Variants in THSD1 observed in about 807,000 individuals in gnomAD.
THSD1 encodes the protein thrombospondin type 1 domain containing 1, also known as thrombospondin type-1 domain-containing protein 1.
THSD1 carries 34 observed loss-of-function variants against 46.3 expected under a neutral mutation model. The ratio of observed to expected loss-of-function variants is 0.74; its 90% CI spans 0.56 to 0.98. The LOEUF (loss-of-function observed/expected upper bound fraction) is 0.98. Ranked by LOEUF, THSD1 falls within the 50% of genes least tolerant of loss-of-function variation. The pLI is 0.00. For missense variants in THSD1, 1,023 were observed against 1,058.3 expected (o/e 0.97, Z 0.46); for synonymous variants, 407 against 416.5 (o/e 0.98, Z 0.28).
At chr13:52,386,293 G>A (rs1034168157) in intron 3 of THSD1, 107 bp from the exon 4 acceptor site, 8 of 1,173,930 alleles carry the variant, frequency 6.8e-6, no homozygotes, top group South Asian at 3.0e-5. Flanking sequence ...TGAAAAGCCC[G>A]TGAGTTAAAG....
chr13:52,393,368 T>C (rs1406189709), intron 3 of THSD1, among the ~76,000 whole-genome samples: 4 of 152,266 alleles, frequency 2.6e-5, no homozygotes, highest in Admixed American at 2.0e-4. Flanking sequence ...AAATCCATTA[T>C]GTATTTGCTA....
At position 52,386,059 on chromosome 13, in the gene THSD1, C is replaced by T. The variant is rs751702537; in HGVS notation, c.1149G>A (p.Glu383=). 1.3e-5 allele frequency: 21 copies of T among 1,613,960 alleles called. No individual in the cohort carries two copies. The highest frequency in any genetic ancestry group is 1.7e-5 in the Admixed American group (1 of 59,986). The change falls in exon 4 of 5, where the codon GAG becomes GAA. Residue 383 remains glutamate (E), a synonymous_variant. Coordinates refer to ENST00000258613, the MANE Select transcript of THSD1 (RefSeq NM_018676.4). ...SSPVCPGMSL[E]ASLCSLEECA... Reference sequence around the variant, plus strand: ...ACTCCTCCAGGGAACACAGGGAGGCCTCCAAGGACATTCCAGGGCAGACAG... The same window carrying T: ...ACTCCTCCAGGGAACACAGGGAGGCTTCCAAGGACATTCCAGGGCAGACAG...
intron 3 of THSD1, among the ~76,000 whole-genome samples, chr13:52,390,140 C>CA (rs71769281): frequency 0.54 from 75,172 of 138,238 alleles, 20,691 homozygotes; most frequent in Middle Eastern, 0.66. Context: ...GACATTGTCT[C>CA]AAAAAAAAAA....
In THSD1 at chr13:52,397,272, A is replaced by T. The variant is rs368726206; in HGVS notation, c.981T>A (p.Phe327Leu). The T allele has an allele frequency of 2.5e-6, 4 of 1,610,818 alleles. No individual in the cohort carries two copies. The highest frequency in any genetic ancestry group is 3.4e-6 in the Non-Finnish European group (4 of 1,178,504). Residue 327 changes from phenylalanine (F) to leucine (L), a missense_variant, in exon 3 of 5, where the codon TTT (phenylalanine) becomes TTA (leucine). This residue lies in a region of THSD1 where 429 missense variants were observed against 518.3 expected (regional missense o/e 0.83). Coordinates refer to ENST00000258613, the MANE Select transcript of THSD1 (RefSeq NM_018676.4). ...TTAGCATGCACTCCTCCTTTGCAGA[A>T]AAATGGCTTCTGCTTGAAATGCCAA... ...FDFGISSRSHFSAKEECMLIQ... is the reference protein window; with the variant it reads ...FDFGISSRSHLSAKEECMLIQ...
intron 2 of THSD1, among the ~76,000 whole-genome samples, chr13:52,401,675 A>G (rs1040261600): frequency 6.6e-6 from 1 of 152,208 alleles, no homozygotes; most frequent in African/African-American, 2.4e-5. Flanking sequence ...AAACTTCTTA[A>G]AAAAGAAAAG....
intron 4 of THSD1, among the ~76,000 whole-genome samples, chr13:52,384,709 A>G (rs1399872698): frequency 1.3e-5 from 2 of 152,222 alleles, no homozygotes; most frequent in African/African-American, 4.8e-5. Flanking sequence ...CTCAGATATG[A>G]AATGTCTGAA....
At chr13:52,404,590 G>A (rs890543526) in intron 1 of THSD1, among the ~76,000 whole-genome samples, 2 of 152,090 alleles carry the variant, frequency 1.3e-5, no homozygotes, top group South Asian at 2.1e-4. Context: ...TTCTTTCCTC[G>A]AACATGGACT....
intron 3 of THSD1, among the ~76,000 whole-genome samples, chr13:52,393,606 C>G (rs558514041): frequency 6.6e-6 from 1 of 152,192 alleles, no homozygotes; most frequent in African/African-American, 2.4e-5. Context: ...TGCAGTGAGC[C>G]CAGATCGCAC....
chr13:52,377,495 C>G lies in THSD1; in HGVS notation c.2475G>C (p.Arg825Ser). The change falls in exon 5 of 5, where the codon AGG becomes AGC. Residue 825 changes from arginine (R) to serine (S), a missense_variant. Coordinates refer to ENST00000258613, the MANE Select transcript of THSD1 (RefSeq NM_018676.4). ...TSFGLTEAEQ[R>S]MLDLPGYFGS... ...CAAAATATCCTGGGAGGTCCAGCAT[C>G]CTCTGCTCAGCCTCAGTGAGGCCAA... 6.3e-7 allele frequency: 1 copy of G among 1,587,034 alleles called. No individual in the cohort carries two copies. Among genetic ancestry groups the G allele is most frequent in the Non-Finnish European group, 8.6e-7 (1 of 1,159,854 alleles).
At chr13:52,380,356 C>T (rs928187995) in intron 4 of THSD1, among the ~76,000 whole-genome samples, 1 of 151,886 alleles carries the variant, frequency 6.6e-6, no homozygotes, top group Non-Finnish European at 1.5e-5. Flanking sequence ...TTGTACTGTC[C>T]CCTAGGGGAC....
At chr13:52,393,020 T>G (rs140610936) in intron 3 of THSD1, among the ~76,000 whole-genome samples, 3 of 152,230 alleles carry the variant, frequency 2.0e-5, no homozygotes, top group African/African-American at 4.8e-5. Context: ...CTAAAAGCTT[T>G]GTACTGTTTA....
chr13:52,403,626 C>T (rs546629410), intron 1 of THSD1, among the ~76,000 whole-genome samples: 255 of 152,202 alleles, frequency 1.7e-3, no homozygotes, highest in African/African-American at 5.9e-3. Context: ...GGACTACAGG[C>T]GCCCACCACC....
At chr13:52,385,858 G>A (rs961180661) in intron 4 of THSD1, among the ~76,000 whole-genome samples, 170 bp downstream of exon 4, 5 of 151,988 alleles carry the variant, frequency 3.3e-5, no homozygotes, top group Admixed American at 1.3e-4. Flanking sequence ...AGCTATTCCC[G>A]GTCTTAGATA....
chr13:52,389,648 G>T (rs1488294840), intron 3 of THSD1, among the ~76,000 whole-genome samples: 2 of 151,978 alleles, frequency 1.3e-5, no homozygotes, highest in Non-Finnish European at 2.9e-5. Context: ...TATTACCAGG[G>T]ATAAAGAGCA....
intron 3 of THSD1, among the ~76,000 whole-genome samples, chr13:52,387,215 C>G (rs767538310): frequency 6.6e-6 from 1 of 152,148 alleles, no homozygotes; most frequent in Non-Finnish European, 1.5e-5. Flanking sequence ...CAATGCCTTC[C>G]CTAAACACAA....
At chr13:52,378,863 CTTT>C (rs368308011) in intron 4 of THSD1, 74 bp from the exon 5 acceptor site, 5,084 of 1,051,182 alleles carry the variant, frequency 4.8e-3, no homozygotes, top group Middle Eastern at 7.6e-3. Context: ...TTTTTCTTTT[CTTT>C]TTTTTTTTTT....
At chr13:52,394,701 T>C (rs1204199982) in intron 3 of THSD1, among the ~76,000 whole-genome samples, 1 of 151,902 alleles carries the variant, frequency 6.6e-6, no homozygotes, top group Non-Finnish European at 1.5e-5. Flanking sequence ...ACTAGCCAAA[T>C]CTGAGTTCAG....
intron 3 of THSD1, among the ~76,000 whole-genome samples, chr13:52,387,844 C>T (rs2137732615): frequency 6.6e-6 from 1 of 152,062 alleles, no homozygotes; most frequent in East Asian, 1.9e-4. Flanking sequence ...TATCAGACTC[C>T]CATACATGTA....
chr13:52,379,489 T>A (rs1566960155), intron 4 of THSD1, among the ~76,000 whole-genome samples: 1 of 152,058 alleles, frequency 6.6e-6, no homozygotes, highest in Non-Finnish European at 1.5e-5. Context: ...TTTTTTGTTT[T>A]GAGACGGAGT....
Sources: gnomAD v4.1 joint callset for allele counts (sites outside exome capture counted in the v4.1 genomes callset) on GRCh38, gnomAD v4.1.1 for gene constraint, gnomAD v4.1.1 regional missense constraint, MANE v1.5 for transcripts, NCBI Gene and HGNC (gene_info 2026-07-23, HGNC 2026-07-21) for gene names.